The following SND1 variants were observed in gnomAD, a reference collection of about 807,000 sequenced individuals.
SND1 encodes staphylococcal nuclease and tudor domain containing 1.
SND1 carries 38 observed loss-of-function variants against 121.7 expected under a neutral mutation model. That is an observed-to-expected ratio of 0.31 (90% confidence interval 0.24 to 0.41). The LOEUF is 0.41. Among genes scored for constraint, SND1 ranks in the 10% least tolerant of loss-of-function variants. The pLI, the probability that SND1 is intolerant of heterozygous loss-of-function variation, is 1.00. For synonymous variants in SND1, 401 were observed against 447.4 expected (o/e 0.90, Z 1.31); for missense variants, 868 against 1,184.6 (o/e 0.73, Z 3.92).
intron 10 of SND1, among the ~76,000 whole-genome samples, chr7:127,745,553 T>C (rs544306057): frequency 6.6e-6 from 1 of 152,284 alleles, no homozygotes; most frequent in South Asian, 2.1e-4. Flanking sequence ...GAATCTTCCC[T>C]GATTAAAATG....
rs149372135 is a variant in SND1, at chr7:128,059,647, G to C, written c.1780-14855G>C. Among the ~76,000 whole-genome samples, 319 of 152,316 alleles carry C rather than the reference G, an allele frequency of 2.1e-3. 1 individual carries two copies. Among genetic ancestry groups the C allele is most frequent in the Non-Finnish European group, 2.9e-3 (197 of 68,028 alleles). On this transcript the variant is annotated intron_variant, in intron 16 of 23. Coordinates refer to ENST00000354725, the MANE Select transcript of SND1 (RefSeq NM_014390.4). ...GCCCTGCTGTCTTTCTGGAGATGCA[G>C]TGCTGAACCACAAGCATCCTTCCTT...
intron 15 of SND1, among the ~76,000 whole-genome samples, chr7:127,987,373 G>A (rs1015833311): frequency 6.6e-6 from 1 of 152,234 alleles, no homozygotes; most frequent in Non-Finnish European, 1.5e-5. Context: ...GGTGCAGCAT[G>A]GATTAGGTTG....
At chr7:127,993,476 A>G (rs1172395528) in intron 16 of SND1, among the ~76,000 whole-genome samples, 4 of 152,236 alleles carry the variant, frequency 2.6e-5, no homozygotes, top group African/African-American at 9.6e-5. Flanking sequence ...ATGTGGGCCC[A>G]CGACCTCCCA....
intron 16 of SND1, among the ~76,000 whole-genome samples, chr7:128,057,892 T>C (rs1793168970): frequency 6.6e-6 from 1 of 152,200 alleles, no homozygotes; most frequent in African/African-American, 2.4e-5. Flanking sequence ...AGAGTCCCTG[T>C]AGTATAAGGC....
intron 2 of SND1, among the ~76,000 whole-genome samples, chr7:127,691,743 G>T (rs1795921594): frequency 6.6e-6 from 1 of 150,806 alleles, no homozygotes; most frequent in South Asian, 2.1e-4. Context: ...TTCCCAAGTA[G>T]CTGGGATTGC....
intron 12 of SND1, among the ~76,000 whole-genome samples, chr7:127,885,582 G>A (rs1354010945): frequency 6.6e-6 from 1 of 152,120 alleles, no homozygotes; most frequent in Non-Finnish European, 1.5e-5. Flanking sequence ...GATAAAGAGG[G>A]CAGGGACAAG....
intron 16 of SND1, among the ~76,000 whole-genome samples, chr7:128,071,907 G>A (rs1000720072): frequency 5.9e-5 from 9 of 152,192 alleles, no homozygotes; most frequent in East Asian, 3.9e-4. Flanking sequence ...TTTCATCTGC[G>A]GCTGGCTGGG....
intron 13 of SND1, chr7:127,904,507 A>T (rs925111648): frequency 5.7e-6 from 2 of 347,946 alleles, no homozygotes; most frequent in Non-Finnish European, 1.1e-5. Flanking sequence ...TACTAAGCAC[A>T]CTGTTAGTGG....
chr7:127,674,277 G>A (rs1440028227), intron 1 of SND1, among the ~76,000 whole-genome samples: 4 of 152,168 alleles, frequency 2.6e-5, no homozygotes, highest in African/African-American at 4.8e-5. Context: ...CTCTTCTTTA[G>A]TGGATGGAGT....
intron 16 of SND1, among the ~76,000 whole-genome samples, chr7:127,997,006 A>T (rs1330340314): frequency 1.3e-5 from 2 of 152,208 alleles, no homozygotes; most frequent in African/African-American, 2.4e-5. Flanking sequence ...ATAGCGATCA[A>T]ACCTTAATTT....
chr7:127,949,616 A>G (rs1365529842), intron 15 of SND1, among the ~76,000 whole-genome samples: 1 of 152,210 alleles, frequency 6.6e-6, no homozygotes, highest in East Asian at 1.9e-4. Flanking sequence ...TTGCATTTTG[A>G]AAAACACCCT....
At chr7:128,042,341 G>A (rs1792870283) in intron 16 of SND1, 1 of 152,158 alleles carries the variant, frequency 6.6e-6, no homozygotes. Flanking sequence ...AGACCATCTT[G>A]GGATCCCAGA....
rs73457819 is a variant in SND1, at chr7:127,750,768, C to T, written c.1152+29368C>T. On this transcript the variant is annotated intron_variant, in intron 10 of 23. Coordinates refer to ENST00000354725, the MANE Select transcript of SND1 (RefSeq NM_014390.4). ...ATTTTTGGATTAAGGATATTCAACT[C>T]GTATTTACACCAACTAGGATAAGGG... Among the ~76,000 whole-genome samples the T allele has an allele frequency of 3.3e-3, 499 of 152,208 alleles. 2 individuals carry two copies. Among genetic ancestry groups the T allele is most frequent in the African/African-American group, 0.011 (439 of 41,516 alleles).
chr7:127,922,175 C>CTTTTTTTTTTTTTTTTTTTTTTTTTTTTT lies in SND1; in HGVS notation c.1528-6985_1528-6984insTTTTTTTTTTTTTTTTTTTTTTTTTTTTT, dbSNP rs1158535023. Among the ~76,000 whole-genome samples, 10 of 57,196 alleles carry CTTTTTTTTTTTTTTTTTTTTTTTTTTTTT rather than the reference C, an allele frequency of 1.7e-4. 1 individual carries two copies. The highest frequency in any genetic ancestry group is 2.9e-4 in the Admixed American group (1 of 3,470). The allele number at this position is 57,196 out of a possible 152,430, so 37.5% of individuals were successfully genotyped here. ...CCAGCTGATTTTCTTTTTTTCTTTC[C>CTTTTTTTTTTTTTTTTTTTTTTTTTTTTT]TTTTTTTTTTTTTTTTTTTTTTTTT... On this transcript the variant is annotated intron_variant, in intron 14 of 23. Coordinates refer to ENST00000354725, the MANE Select transcript of SND1 (RefSeq NM_014390.4).
intron 9 of SND1, among the ~76,000 whole-genome samples, chr7:127,712,182 AG>A (rs1796309610): frequency 6.6e-6 from 1 of 152,142 alleles, no homozygotes; most frequent in East Asian, 1.9e-4. Flanking sequence ...TTTTTGAGAC[AG>A]GGTCTTGCTC....
chr7:127,994,548 T>C (rs1802592575), intron 16 of SND1, among the ~76,000 whole-genome samples: 3 of 38,534 alleles, frequency 7.8e-5, no homozygotes, highest in Non-Finnish European at 9.9e-5. Flanking sequence ...TCACTTTTAC[T>C]CAAAAAAAAA....
chr7:127,864,143 T>G (rs1396389776), intron 12 of SND1, among the ~76,000 whole-genome samples: 2 of 151,544 alleles, frequency 1.3e-5, no homozygotes, highest in African/African-American at 2.4e-5. Flanking sequence ...TTAGGATAAA[T>G]AAGAAACTTC....
chr7:127,704,710 G>T (rs2116346523), intron 7 of SND1, 129 bp from the exon 8 acceptor site: 1 of 772,070 alleles, frequency 1.3e-6, no homozygotes, highest in South Asian at 1.6e-5. Flanking sequence ...CTACTCTACT[G>T]TAAACAAACA....
chr7:127,803,910 T>A (rs1798182445), intron 10 of SND1, among the ~76,000 whole-genome samples: 2 of 152,258 alleles, frequency 1.3e-5, no homozygotes, highest in African/African-American at 2.4e-5. Context: ...TTGCAGGGCC[T>A]ACATGCAATG....
Sources: allele counts gnomAD v4.1 joint callset (sites outside exome capture counted in the v4.1 genomes callset), GRCh38; gene constraint gnomAD v4.1.1; transcripts MANE v1.5; gene names NCBI Gene and HGNC (gene_info 2026-07-23, HGNC 2026-07-21).